Variants in PDGFD observed in about 807,000 individuals in gnomAD.
PDGFD encodes the protein platelet derived growth factor D, also known as platelet-derived growth factor D.
Under a neutral mutation model 44.7 loss-of-function variants are expected in PDGFD, and 30 were observed. The ratio of observed to expected loss-of-function variants is 0.67; its 90% confidence interval spans 0.50 to 0.91. The LOEUF (loss-of-function observed/expected upper bound fraction) is 0.91, where lower values mean the gene tolerates loss of function less well. PDGFD is among the 40% of genes least tolerant of loss of function. The pLI is 0.00. For synonymous variants in PDGFD, 173 were observed against 168.4 expected, an observed-to-expected ratio of 1.03 and a Z score of -0.21; for missense variants, 445 against 457.8, an observed-to-expected ratio of 0.97 and a Z score of 0.25.
intron 1 of PDGFD, among the ~76,000 whole-genome samples, chr11:104,008,479 T>C (rs1859736402): frequency 1.3e-5 from 2 of 152,286 alleles, no homozygotes; most frequent in South Asian, 4.1e-4. Context: ...GAAAAATCTC[T>C]ATTTCTTTTC....
chr11:103,986,682 T>C (rs1010873538), intron 3 of PDGFD, among the ~76,000 whole-genome samples: 2 of 152,148 alleles, frequency 1.3e-5, no homozygotes, highest in Non-Finnish European at 2.9e-5. Context: ...TAGTTTTTAG[T>C]TTAACTAGGA....
At chr11:104,108,033 G>A (rs1861495205) in intron 1 of PDGFD, among the ~76,000 whole-genome samples, 1 of 152,090 alleles carries the variant, frequency 6.6e-6, no homozygotes. Flanking sequence ...TACAGAGATT[G>A]CAGATGATTG....
intron 1 of PDGFD, among the ~76,000 whole-genome samples, chr11:104,125,407 G>A (rs1419481129): frequency 6.6e-6 from 1 of 151,964 alleles, no homozygotes; most frequent in Non-Finnish European, 1.5e-5. Flanking sequence ...AAGGACTCAT[G>A]CACCTTTTTT....
intron 1 of PDGFD, among the ~76,000 whole-genome samples, chr11:104,119,677 A>C (rs1346392939): frequency 1.2e-5 from 1 of 86,574 alleles, no homozygotes; most frequent in Non-Finnish European, 2.0e-5. Context: ...ATCGATATAT[A>C]TATCGATATA....
chr11:104,164,104 G>C lies in PDGFD; in HGVS notation c.-177C>G, dbSNP rs973597064. 2.9e-5 allele frequency: 16 copies of C among 543,522 alleles called. No homozygotes were observed. The highest frequency in any genetic ancestry group is 7.0e-5 in the Admixed American group (2 of 28,544). The allele number at this position is 543,522 out of a possible 1,614,324, so 33.7% of individuals were successfully genotyped here. Reference sequence around the variant, plus strand: ...CCTGCATGCTGAACTTTCCGAGCGCGTGTGGGTGCCGCACTTCCTTGTGGT... The same window carrying C: ...CCTGCATGCTGAACTTTCCGAGCGCCTGTGGGTGCCGCACTTCCTTGTGGT... On this transcript the variant is annotated 5_prime_UTR_variant, in exon 1 of 7. Transcript: ENST00000393158.
intron 1 of PDGFD, among the ~76,000 whole-genome samples, chr11:104,116,228 C>A (rs1281714362): frequency 6.6e-6 from 1 of 151,944 alleles, no homozygotes; most frequent in Non-Finnish European, 1.5e-5. Context: ...GATAAGAATC[C>A]AGTTTTATTC....
intron 1 of PDGFD, among the ~76,000 whole-genome samples, chr11:104,091,812 G>C (rs1861216177): frequency 6.6e-6 from 1 of 152,114 alleles, no homozygotes; most frequent in South Asian, 2.1e-4. Flanking sequence ...ATGATCTAAT[G>C]TTCAGGGACT....
intron 1 of PDGFD, among the ~76,000 whole-genome samples, chr11:104,099,304 G>C (rs1861334200): frequency 6.6e-6 from 1 of 152,066 alleles, no homozygotes; most frequent in Non-Finnish European, 1.5e-5. Context: ...ATAATTTCTA[G>C]TTTTTCCCAA....
chr11:103,951,833 C>A (rs757081997), intron 3 of PDGFD, among the ~76,000 whole-genome samples: 13 of 152,176 alleles, frequency 8.5e-5, no homozygotes, highest in Non-Finnish European at 1.6e-4. Context: ...TTCTTTAAAG[C>A]ATTTATGGTT....
intron 1 of PDGFD, chr11:104,039,043 C>T (rs117382829): frequency 1.8e-5 from 3 of 167,056 alleles, no homozygotes; most frequent in Non-Finnish European, 4.4e-5. Flanking sequence ...TTACAACTGA[C>T]AGTGGGTAAT....
intron 3 of PDGFD, among the ~76,000 whole-genome samples, chr11:103,967,522 A>G (rs1370667394): frequency 6.6e-6 from 1 of 152,130 alleles, no homozygotes; most frequent in Non-Finnish European, 1.5e-5. Context: ...TGAGCCCTCC[A>G]GACTTCACCC....
chr11:104,149,885 G>GA (rs1417605140), intron 1 of PDGFD, among the ~76,000 whole-genome samples: 2 of 151,894 alleles, frequency 1.3e-5, no homozygotes, highest in Non-Finnish European at 2.9e-5. Context: ...AAATGATGGT[G>GA]AAAAAATGAC....
intron 1 of PDGFD, among the ~76,000 whole-genome samples, chr11:104,009,755 G>A (rs1434543680): frequency 6.6e-6 from 1 of 152,078 alleles, no homozygotes; most frequent in African/African-American, 2.4e-5. Flanking sequence ...AAAGTACAGG[G>A]TTGGAGTCTC....
Position 104,102,629 on chromosome 11 carries a change from G to A in PDGFD, c.124+61175C>T, listed in dbSNP as rs530436572. ...TGCTGCTATAAAGACACATGCACAC[G>A]TATGTTTATTGCAGCACTATTCACA... On this transcript the variant is annotated intron_variant, in intron 1 of 6. Transcript: ENST00000393158. Among the ~76,000 whole-genome samples the A allele has an allele frequency of 6.6e-5, 10 of 152,248 alleles. 1 individual carries two copies. In the South Asian group the frequency reaches 1.7e-3, roughly 25 times the overall value.
intron 1 of PDGFD, among the ~76,000 whole-genome samples, chr11:104,012,977 C>T (rs912390645): frequency 6.6e-6 from 1 of 152,348 alleles, no homozygotes; most frequent in South Asian, 2.1e-4. Flanking sequence ...CTTCACAACC[C>T]TGTTTTCATA....
intron 3 of PDGFD, among the ~76,000 whole-genome samples, chr11:103,962,852 T>C (rs1423741086): frequency 2.0e-5 from 3 of 152,194 alleles, no homozygotes; most frequent in Non-Finnish European, 2.9e-5. Context: ...ATTCATTACA[T>C]TCTTTCCAAA....
chr11:104,114,449 C>A (rs1320904103), intron 1 of PDGFD, among the ~76,000 whole-genome samples: 1 of 152,010 alleles, frequency 6.6e-6, no homozygotes, highest in Admixed American at 6.6e-5. Flanking sequence ...TTCCACTGAT[C>A]TATTGGTATA....
chr11:103,910,315 C>T (rs1237746273), intron 6 of PDGFD, among the ~76,000 whole-genome samples: 5 of 152,146 alleles, frequency 3.3e-5, no homozygotes, highest in African/African-American at 4.8e-5. Flanking sequence ...GCAAGATGGC[C>T]GAACAGGAAC....
chr11:103,953,649 G>C (rs1347766365), intron 3 of PDGFD, among the ~76,000 whole-genome samples: 2 of 152,106 alleles, frequency 1.3e-5, no homozygotes, highest in Non-Finnish European at 2.9e-5. Context: ...TCATTTATCT[G>C]TACTTAGCAC....
Sources: allele counts gnomAD v4.1 joint callset (sites outside exome capture counted in the v4.1 genomes callset), GRCh38; gene constraint gnomAD v4.1.1; transcripts MANE v1.5; gene names NCBI Gene and HGNC (gene_info 2026-07-23, HGNC 2026-07-21).